LARP4B: variants seen among roughly 807,000 people sequenced by gnomAD.
LARP4B encodes la-related protein 4B.
In LARP4B, 12 loss-of-function variants were observed where a neutral mutation model predicts 89.8. The ratio of observed to expected loss-of-function variants is 0.13; its 90% CI spans 0.09 to 0.22. LARP4B has a LOEUF of 0.22. LARP4B is among the 10% of genes least tolerant of loss of function. The pLI is 1.00. For synonymous variants in LARP4B, 367 were observed against 363.3 expected, an observed-to-expected ratio of 1.01 and a Z score of -0.12; for missense variants, 757 against 947.7, an observed-to-expected ratio of 0.80 and a Z score of 2.64.
At chr10:904,399 C>T (rs1836431152) in intron 1 of LARP4B, among the ~76,000 whole-genome samples, 1 of 150,534 alleles carries the variant, frequency 6.6e-6, no homozygotes, top group African/African-American at 2.4e-5. Flanking sequence ...ATAAAAAATA[C>T]AAAAATTAGT....
At chr10:922,106 T>C (rs1019327606) in intron 1 of LARP4B, among the ~76,000 whole-genome samples, 10 of 152,234 alleles carry the variant, frequency 6.6e-5, no homozygotes, top group African/African-American at 2.4e-4. Context: ...GTGAGGAGGA[T>C]GCTTTCAGGA....
intron 8 of LARP4B, among the ~76,000 whole-genome samples, chr10:835,253 G>GA (rs1398888058): frequency 6.6e-6 from 1 of 152,182 alleles, no homozygotes; most frequent in Non-Finnish European, 1.5e-5. Context: ...GCTAGGCAGA[G>GA]AGCTTTGTTG....
intron 5 of LARP4B, among the ~76,000 whole-genome samples, chr10:846,289 G>A (rs1273997852): frequency 6.6e-6 from 1 of 152,200 alleles, no homozygotes; most frequent in Non-Finnish European, 1.5e-5. Context: ...ACACTCTGGT[G>A]GGAGAGGCAG....
At chr10:969,690 T>C in the LARP4B span, among the ~76,000 whole-genome samples, 2 of 151,928 alleles carry the variant, frequency 1.3e-5, no homozygotes, top group African/African-American at 2.4e-5. Context: ...GATTGCGTCA[T>C]TGCACTCCAG....
chr10:833,271 A>C lies in LARP4B; in HGVS notation c.751-2294T>G, dbSNP rs907042827. Among the ~76,000 whole-genome samples, 576 of 149,400 alleles carry C rather than the reference A, an allele frequency of 3.9e-3. 6 individuals carry two copies. Among genetic ancestry groups the C allele is most frequent in the African/African-American group, 0.013 (530 of 40,948 alleles). Reference sequence around the variant, plus strand: ...CTTTAAAAAAAAAAAAAAAAAAAAAAAAAAAAAAAAAAACCTCAAAATGTT... The same window carrying C: ...CTTTAAAAAAAAAAAAAAAAAAAAACAAAAAAAAAAAAACCTCAAAATGTT... On this transcript the variant is annotated intron_variant, in intron 8 of 17. Transcript: ENST00000316157.
chr10:981,745 G>C, the LARP4B span, among the ~76,000 whole-genome samples: 1 of 151,920 alleles, frequency 6.6e-6, no homozygotes, highest in Non-Finnish European at 1.5e-5. Flanking sequence ...AATTTTTGTA[G>C]TTTTAGTAGA....
At chr10:929,433 AAAAATACAAAAATTAGCC>A (rs1837240552) in intron 1 of LARP4B, among the ~76,000 whole-genome samples, 1 of 152,152 alleles carries the variant, frequency 6.6e-6, no homozygotes, top group African/African-American at 2.4e-5. Flanking sequence ...CGTCTCTACT[AAAAATACAAAAATTAGCC>A]AGGTGTGGTG....
chr10:912,078 G>A (rs1429264012), intron 1 of LARP4B, among the ~76,000 whole-genome samples: 2 of 152,200 alleles, frequency 1.3e-5, no homozygotes, highest in Admixed American at 6.5e-5. Context: ...TCCTTGCAGT[G>A]AGAAGCACTG....
At chr10:977,586 C>T in the LARP4B span, among the ~76,000 whole-genome samples, 1,307 of 151,862 alleles carry the variant, frequency 8.6e-3, 9 homozygotes, top group Non-Finnish European at 0.014. Flanking sequence ...CCTCCCGCTT[C>T]AGCCTCCCAA....
chr10:872,750 C>T (rs1363804695), intron 3 of LARP4B, among the ~76,000 whole-genome samples: 2 of 152,202 alleles, frequency 1.3e-5, no homozygotes, highest in Non-Finnish European at 2.9e-5. Context: ...ACAACCTTGT[C>T]GGCTGCCGTT....
intron 1 of LARP4B, 151 bp from the exon 2 acceptor site, chr10:885,911 T>C: frequency 1.3e-5 from 6 of 464,872 alleles, no homozygotes; most frequent in Non-Finnish European, 2.3e-5. Flanking sequence ...CATACCTTAC[T>C]CACCAAGAAG....
chr10:864,115 C>A lies in LARP4B; in HGVS notation c.289+8G>T. 2 of 1,614,140 alleles carry A rather than the reference C, an allele frequency of 1.2e-6. No individual in the cohort carries two copies. The highest frequency in any genetic ancestry group is 1.7e-6 in the Non-Finnish European group (2 of 1,179,976). ...GGGGGCTGCACACCACGGCCATGCT[C>A]AACTTACCCTGCGGGCCACGGTCTG... On this transcript the variant is annotated splice_region_variant and intron_variant, in intron 4 of 17. Coordinates refer to ENST00000316157, the MANE Select transcript of LARP4B (RefSeq NM_015155.3).
chr10:981,797 G>A, the LARP4B span, among the ~76,000 whole-genome samples: 1 of 152,068 alleles, frequency 6.6e-6, no homozygotes, highest in East Asian at 1.9e-4. Context: ...TTGAACTCCT[G>A]ACCTCATGAT....
chr10:884,639 T>G (rs966380311), intron 2 of LARP4B, 133 bp from the exon 3 acceptor site: 3 of 614,220 alleles, frequency 4.9e-6, no homozygotes, highest in Non-Finnish European at 8.5e-6. Flanking sequence ...CATGAATTCA[T>G]AAGATATTCA....
intron 8 of LARP4B, among the ~76,000 whole-genome samples, chr10:832,578 T>C (rs1832965705): frequency 6.6e-6 from 1 of 152,152 alleles, no homozygotes; most frequent in Non-Finnish European, 1.5e-5. Flanking sequence ...TAGTAAAATC[T>C]TCACAGCAGC....
intron 3 of LARP4B, among the ~76,000 whole-genome samples, chr10:870,299 T>C (rs574061039): frequency 2.0e-5 from 3 of 152,302 alleles, no homozygotes; most frequent in Non-Finnish European, 4.4e-5. Flanking sequence ...GGAGACTCCT[T>C]CTGGGAAACT....
At chr10:879,948 A>C (rs576686278) in intron 3 of LARP4B, among the ~76,000 whole-genome samples, 19 of 151,394 alleles carry the variant, frequency 1.3e-4, no homozygotes, top group Non-Finnish European at 2.8e-4. Flanking sequence ...TAATTTTTGT[A>C]TTTTTAGTAG....
the LARP4B span, among the ~76,000 whole-genome samples, chr10:944,664 G>T: frequency 6.6e-6 from 1 of 152,214 alleles, no homozygotes; most frequent in African/African-American, 2.4e-5. Flanking sequence ...CGCGTGTCTG[G>T]GCGTTGCCCC....
chr10:861,567 ATATACTTTAAC>A (rs1402736382), intron 5 of LARP4B, among the ~76,000 whole-genome samples: 8 of 152,224 alleles, frequency 5.3e-5, no homozygotes, highest in African/African-American at 1.9e-4. Flanking sequence ...ACTTTCCAGA[ATATACTTTAAC>A]ATGTTGTTAT....
Sources: allele counts gnomAD v4.1 joint callset (sites outside exome capture counted in the v4.1 genomes callset), GRCh38; gene constraint gnomAD v4.1.1; transcripts MANE v1.5; gene names NCBI Gene and HGNC (gene_info 2026-07-23, HGNC 2026-07-21).